The following NKX2-2 variants were observed in gnomAD, a reference collection of about 807,000 sequenced individuals.
NKX2-2 encodes NK2 homeobox 2.
NKX2-2 carries 8 observed loss-of-function variants against 24.6 expected under a neutral mutation model. The ratio of observed to expected loss-of-function variants is 0.32; its 90% CI spans 0.19 to 0.59. The LOEUF is 0.59. Among genes scored for constraint, NKX2-2 ranks in the 20% least tolerant of loss-of-function variants. The probability of loss-of-function intolerance (pLI) is 0.86; values close to 1 mark genes in which losing one functional copy is unlikely to be tolerated. For synonymous variants in NKX2-2, 217 were observed against 173.3 expected (o/e 1.25, Z -1.98); for missense variants, 381 against 373.9 (o/e 1.02, Z -0.16).
Position 21,512,425 on chromosome 20 carries a change from G to C in NKX2-2, c.320C>G (p.Ser107Trp), listed in dbSNP as rs375040957. ...GTCATTGTCCGGTGACTCGTCGGCC[G>C]AGGGCTCCGGGGACTTGGAGCTTGA... ...QDSSSKSPEPSADESPDNDKE... is the reference protein window; with the variant it reads ...QDSSSKSPEPWADESPDNDKE... The change falls in exon 2 of 2, where the codon TCG becomes TGG. Residue 107 changes from serine to tryptophan, a missense_variant. Ser to Trp is a radical substitution (Grantham distance 177, BLOSUM62 -3). Transcript: ENST00000377142. 1.3e-6 allele frequency: 2 copies of C among 1,592,564 alleles called. No homozygotes were observed. The highest frequency in any genetic ancestry group is 1.7e-6 in the Non-Finnish European group (2 of 1,175,168).
intron 1 of NKX2-2, 34 bp from the exon 2 acceptor site, chr20:21,512,519 G>T: frequency 1.4e-6 from 2 of 1,458,984 alleles, no homozygotes; most frequent in Non-Finnish European, 1.8e-6. Flanking sequence ...CGCGTCAGGC[G>T]TCTGGAGGCC....
chr20:21,520,134 T>A, the NKX2-2 span, among the ~76,000 whole-genome samples: 1 of 152,118 alleles, frequency 6.6e-6, no homozygotes, highest in Admixed American at 6.5e-5. Flanking sequence ...AGATAAGTTC[T>A]CCAGGCCCAG....
chr20:21,517,167 C>A (rs564312724), upstream of NKX2-2, among the ~76,000 whole-genome samples: 61 of 152,196 alleles, frequency 4.0e-4, no homozygotes, highest in Non-Finnish European at 7.5e-4. Flanking sequence ...GCCCCTTAGC[C>A]TCAATGACCA....
At chr20:21,512,895 T>G (rs1027409967) in intron 1 of NKX2-2, among the ~76,000 whole-genome samples, 2 of 152,206 alleles carry the variant, frequency 1.3e-5, no homozygotes, top group African/African-American at 4.8e-5. Context: ...GGCAGGTTTT[T>G]GGGGGCTTTC....
At chr20:21,522,482 G>T in the NKX2-2 span, among the ~76,000 whole-genome samples, 2 of 152,104 alleles carry the variant, frequency 1.3e-5, no homozygotes, top group Non-Finnish European at 2.9e-5. Flanking sequence ...GCCGGGCTCC[G>T]CTGCGGCTCC....
Position 21,513,846 on chromosome 20 carries a change from TG to T in NKX2-2, c.-178del. On this transcript the variant is annotated 5_prime_UTR_variant, in exon 1 of 2. Transcript: ENST00000377142. The surrounding 1 kb of genome is among the most constrained non-coding windows in gnomAD (Gnocchi z 4.6). ...ATTATTTTTAAAAAGAGAAAGAAAC[TG>T]GGGATGGGGAGGAAAAAAATGAAGC... The T allele has an allele frequency of 2.1e-6, 1 of 480,096 alleles. No individual in the cohort carries two copies. Among genetic ancestry groups the T allele is most frequent in the South Asian group, 4.3e-5 (1 of 23,068 alleles). 29.7% of individuals were successfully genotyped at this position (480,096 alleles called of 1,614,324 possible). A position where few individuals can be genotyped will look rare whatever the true frequency, so the allele number is the denominator to read the frequency against.
At position 21,512,380 on chromosome 20, in the gene NKX2-2, C is replaced by T. The variant is rs8192563; in HGVS notation, c.365G>A (p.Gly122Glu). ...PDNDKETPGG[G>E]GDAGKKRKRR... The stretch of plus-strand genomic sequence containing the variant: ...CTTTCGCTTCTTGCCGGCGTCCCCC[C>T]CGCCGCCCGGGGTCTCCTTGTCATT... Residue 122 changes from glycine (G) to glutamate (E), a missense_variant, in exon 2 of 2, where the codon GGG (glycine) becomes GAG (glutamate). Coordinates refer to ENST00000377142, the MANE Select transcript of NKX2-2 (RefSeq NM_002509.4). The T allele has an allele frequency of 5.0e-6, 8 of 1,603,202 alleles. No homozygotes were observed. In the South Asian group the frequency reaches 6.7e-5, roughly 13 times the overall value.
At chr20:21,515,272 T>TG (rs1323109429), upstream of NKX2-2, among the ~76,000 whole-genome samples, 3 of 31,176 alleles carry the variant, frequency 9.6e-5, no homozygotes, top group African/African-American at 3.8e-4. Context: ...ATTGCGGGGG[T>TG]GGGGGTGGGG....
chr20:21,520,439 T>C, the NKX2-2 span, among the ~76,000 whole-genome samples: 1 of 152,248 alleles, frequency 6.6e-6, no homozygotes, highest in Non-Finnish European at 1.5e-5. Flanking sequence ...TTTCTATTAA[T>C]CAGCTTCATT....
In NKX2-2 at chr20:21,513,652, T is replaced by G. The variant is rs759027627; in HGVS notation, c.18A>C (p.Thr6=). 6 of 1,580,968 alleles carry G rather than the reference T, an allele frequency of 3.8e-6. No individual in the cohort carries two copies. In the African/African-American group the frequency reaches 5.5e-5, roughly 14 times the overall value. MSLTN[T]KTGFSVKDIL... is the part of the protein sequence containing the mutation. The stretch of plus-strand genomic sequence containing the variant: ...TGTCCTTGACCGAAAACCCCGTCTT[T>G]GTGTTGGTCAGCGACATGGTTCGAG... The change falls in exon 1 of 2, where the codon ACA becomes ACC. Residue 6 remains threonine (T), a synonymous_variant. Coordinates refer to ENST00000377142, the MANE Select transcript of NKX2-2 (RefSeq NM_002509.4). The surrounding 1 kb of genome is among the most constrained non-coding windows in gnomAD (Gnocchi z 4.6).
upstream of NKX2-2, among the ~76,000 whole-genome samples, chr20:21,515,767 GC>G (rs1235633651): frequency 6.6e-6 from 1 of 152,130 alleles, no homozygotes; most frequent in African/African-American, 2.4e-5. Context: ...CAAGCTGAGC[GC>G]GCGGGCACCG....
upstream of NKX2-2, among the ~76,000 whole-genome samples, chr20:21,517,982 C>T (rs949791987): frequency 6.6e-6 from 1 of 152,238 alleles, no homozygotes; most frequent in African/African-American, 2.4e-5. Context: ...TGGTCTCCCC[C>T]ACTCGGCATT....
At chr20:21,517,290 C>T (rs1568639503), upstream of NKX2-2, among the ~76,000 whole-genome samples, 2 of 152,328 alleles carry the variant, frequency 1.3e-5, no homozygotes, top group African/African-American at 4.8e-5. Context: ...CCTACACTTT[C>T]ACCCCAGCGA....
chr20:21,520,625 C>G, the NKX2-2 span, among the ~76,000 whole-genome samples: 1 of 152,172 alleles, frequency 6.6e-6, no homozygotes, highest in Non-Finnish European at 1.5e-5. Flanking sequence ...ACCGGCCTCT[C>G]TCCAATATTT....
Position 21,511,576 on chromosome 20 carries a change from T to G in NKX2-2, c.*347A>C. On this transcript the variant is annotated 3_prime_UTR_variant, in exon 2 of 2. Coordinates refer to ENST00000377142, the MANE Select transcript of NKX2-2 (RefSeq NM_002509.4). ...GAAAGCAGGGGTGGGGGGTCGGTCTTTTTCTCGTTTTCAAGTGACGACATT... is the reference window on the plus strand; with the variant it reads ...GAAAGCAGGGGTGGGGGGTCGGTCTGTTTCTCGTTTTCAAGTGACGACATT... 5 of 207,780 alleles carry G rather than the reference T, an allele frequency of 2.4e-5. No individual in the cohort carries two copies. Among genetic ancestry groups the G allele is most frequent in the Non-Finnish European group, 3.8e-5 (4 of 105,562 alleles). 12.9% of individuals were successfully genotyped at this position (207,780 alleles called of 1,614,324 possible).
At position 21,513,756 on chromosome 20, in the gene NKX2-2, G is replaced by A; in HGVS notation, c.-87C>T. On this transcript the variant is annotated 5_prime_UTR_variant, in exon 1 of 2. Coordinates refer to ENST00000377142, the MANE Select transcript of NKX2-2 (RefSeq NM_002509.4). This position sits in a 1 kb window ranked among gnomAD's most constrained non-coding sequence, Gnocchi z 4.6. ...TCCCCTGCCCCGGCGGGCGGGGGAG[G>A]GGGGAGTTGGGGGGAGGGACTGGGG... is the stretch of plus-strand genomic sequence containing the variant. The A allele has an allele frequency of 1.2e-6, 1 of 820,632 alleles. No homozygotes were observed. 50.8% of individuals were successfully genotyped at this position (820,632 alleles called of 1,614,324 possible). A position where few individuals can be genotyped will look rare whatever the true frequency, so the allele number is the denominator to read the frequency against.
At chr20:21,520,659 C>G in the NKX2-2 span, among the ~76,000 whole-genome samples, 1 of 152,172 alleles carries the variant, frequency 6.6e-6, no homozygotes, top group Non-Finnish European at 1.5e-5. Flanking sequence ...AGCTTTAAGC[C>G]CCCCTCGGGC....
At chr20:21,522,107 C>G in the NKX2-2 span, among the ~76,000 whole-genome samples, 4 of 152,242 alleles carry the variant, frequency 2.6e-5, no homozygotes, top group Non-Finnish European at 4.4e-5. Context: ...TAAAACTTTT[C>G]CTGACTGCAG....
chr20:21,512,546 A>G, intron 1 of NKX2-2, 61 bp from the exon 2 acceptor site: 1 of 1,278,106 alleles, frequency 7.8e-7, no homozygotes, highest in Non-Finnish European at 1.1e-6. Flanking sequence ...AGCCTGCACC[A>G]GACTCGGAGC....
Sources: allele counts gnomAD v4.1 joint callset (sites outside exome capture counted in the v4.1 genomes callset), GRCh38; gene constraint gnomAD v4.1.1; non-coding constraint Gnocchi (gnomAD v3.1); transcripts MANE v1.5; gene names NCBI Gene and HGNC (gene_info 2026-07-23, HGNC 2026-07-21).